The following PIWIL1 variants were observed in gnomAD, a reference collection of about 807,000 sequenced individuals.
PIWIL1 encodes piwi like RNA-mediated gene silencing 1, also known as piwi-like protein 1.
Under a neutral mutation model 114.4 loss-of-function variants are expected in PIWIL1, and 73 were observed. That is an observed-to-expected ratio of 0.64 (90% confidence interval 0.53 to 0.78). The LOEUF (loss-of-function observed/expected upper bound fraction) is 0.78, where lower values mean the gene tolerates loss of function less well. Ranked by LOEUF, PIWIL1 falls within the 30% of genes least tolerant of loss-of-function variation. The pLI, the probability that PIWIL1 is intolerant of heterozygous loss-of-function variation, is 0.00. For synonymous variants in PIWIL1, 375 were observed against 369.0 expected, an observed-to-expected ratio of 1.02 and a Z score of -0.19; for missense variants, 723 against 1,063.1, an observed-to-expected ratio of 0.68 and a Z score of 4.45.
At chr12:130,397,646 G>A in the PIWIL1 span, 2 of 396,512 alleles carry the variant, frequency 5.0e-6, no homozygotes, top group Non-Finnish European at 8.9e-6. Context: ...ACCAGGAAAG[G>A]TCAGGGGGGT....
At chr12:130,422,435 G>T in the PIWIL1 span, 1 of 1,558,284 alleles carries the variant, frequency 6.4e-7, no homozygotes, top group Non-Finnish European at 8.8e-7. This position sits in a 1 kb window ranked among gnomAD's most constrained non-coding sequence, Gnocchi z 5.2. Context: ...ACACAACAGC[G>T]ATGATGGGGC....
chr12:130,395,992 CAT>C, the PIWIL1 span: 1 of 135,956 alleles, frequency 7.4e-6, no homozygotes, highest in Non-Finnish European at 1.6e-5. Flanking sequence ...GCTCCCAAAA[CAT>C]AGACCAAAAT....
At chr12:130,419,005 T>C in the PIWIL1 span, among the ~76,000 whole-genome samples, 1 of 152,174 alleles carries the variant, frequency 6.6e-6, no homozygotes, top group Non-Finnish European at 1.5e-5. The surrounding 1 kb of genome is among the most constrained non-coding windows in gnomAD (Gnocchi z 4.3). Flanking sequence ...GTGGAGCACT[T>C]GGAGTTGAAC....
chr12:130,347,021 A>C lies in PIWIL1; in HGVS notation c.612A>C (p.Thr204=). Residue 204 remains threonine (T), a synonymous_variant, in exon 6 of 21, where the codon ACA becomes ACC. Coordinates refer to ENST00000245255, the MANE Select transcript of PIWIL1 (RefSeq NM_004764.5). The part of the protein sequence containing the change: ...TITLTNELPP[T]SPTCLQFYNI... Reference sequence around the variant, plus strand: ...CTTTAACAAATGAACTTCCACCTACATCACCAACTTGTTTGCAGTTCTATA... The same window carrying C: ...CTTTAACAAATGAACTTCCACCTACCTCACCAACTTGTTTGCAGTTCTATA... 1 of 1,613,782 alleles carries C rather than the reference A, an allele frequency of 6.2e-7. No homozygotes were observed. The highest frequency in any genetic ancestry group is 8.5e-7 in the Non-Finnish European group (1 of 1,179,750).
At chr12:130,366,396 G>A (rs79498495) in intron 18 of PIWIL1, 12,340 of 152,462 alleles carry the variant, frequency 0.081, 1,640 homozygotes, top group African/African-American at 0.28. Context: ...GAAGGGCCAG[G>A]GATCTGCCGG....
At chr12:130,408,299 A>G in the PIWIL1 span, among the ~76,000 whole-genome samples, 112,179 of 152,126 alleles carry the variant, frequency 0.74, 41,709 homozygotes, top group South Asian at 0.9. Flanking sequence ...TCCCCTAAGC[A>G]TAGGCAAAAC....
the PIWIL1 span, among the ~76,000 whole-genome samples, chr12:130,403,754 G>T: frequency 6.6e-6 from 1 of 152,044 alleles, no homozygotes; most frequent in Non-Finnish European, 1.5e-5. Flanking sequence ...TACAACAAAG[G>T]TATTCCAATG....
At chr12:130,355,738 T>C (rs2073347036) in intron 12 of PIWIL1, 71 bp downstream of exon 12, 1 of 1,057,768 alleles carries the variant, frequency 9.5e-7, no homozygotes, top group Non-Finnish European at 1.5e-6. Flanking sequence ...CAGGCAGGAG[T>C]ACAGTGGTGC....
At chr12:130,414,330 A>G in the PIWIL1 span, 1 of 1,560,616 alleles carries the variant, frequency 6.4e-7, no homozygotes, top group South Asian at 1.2e-5. Context: ...GGGGTGAAGA[A>G]CAGAGCGGCA....
chr12:130,343,122 A>G, intron 3 of PIWIL1, 21 bp downstream of exon 3: 1 of 1,553,870 alleles, frequency 6.4e-7, no homozygotes, highest in Non-Finnish European at 8.9e-7. Flanking sequence ...AGTAAAAGGA[A>G]GTCTTAACAA....
the PIWIL1 span, among the ~76,000 whole-genome samples, chr12:130,379,452 G>A: frequency 6.3e-5 from 7 of 111,460 alleles, no homozygotes; most frequent in Admixed American, 8.9e-5. Flanking sequence ...TCCCATCCAA[G>A]CATTGACAGT....
At chr12:130,411,224 G>A in the PIWIL1 span, among the ~76,000 whole-genome samples, 1 of 152,136 alleles carries the variant, frequency 6.6e-6, no homozygotes, top group Non-Finnish European at 1.5e-5. Flanking sequence ...CACTCCATTT[G>A]TTAGTTCTAG....
chr12:130,371,455 T>C (rs2073815118), intron 20 of PIWIL1, 27 bp from the exon 21 acceptor site: 8 of 1,610,356 alleles, frequency 5.0e-6, no homozygotes, highest in Non-Finnish European at 6.8e-6. Context: ...TCTAGAGTAA[T>C]AGAACCTTTT....
intron 13 of PIWIL1, 48 bp downstream of exon 13, chr12:130,357,153 T>C: frequency 6.7e-7 from 1 of 1,485,026 alleles, no homozygotes; most frequent in Non-Finnish European, 9.3e-7. Context: ...TGGCAGTCAT[T>C]TGGAGGGGTG....
chr12:130,357,834 T>C (rs1243769323), intron 14 of PIWIL1, among the ~76,000 whole-genome samples: 1 of 152,066 alleles, frequency 6.6e-6, no homozygotes, highest in Non-Finnish European at 1.5e-5. Context: ...GTCTAGAAAA[T>C]TTGGAAAATA....
intron 18 of PIWIL1, among the ~76,000 whole-genome samples, chr12:130,363,704 G>A (rs139456082): frequency 0.014 from 1,870 of 129,356 alleles, 41 homozygotes; most frequent in African/African-American, 0.052. Flanking sequence ...TGCAACCTCC[G>A]CCTCCCAGGT....
the PIWIL1 span, chr12:130,399,251 G>T: frequency 1.4e-6 from 1 of 708,628 alleles, no homozygotes; most frequent in Non-Finnish European, 2.0e-6. Flanking sequence ...AAATAAAAAT[G>T]AGATACTAAA....
chr12:130,341,220 C>T (rs558092408), intron 1 of PIWIL1, among the ~76,000 whole-genome samples: 2 of 152,332 alleles, frequency 1.3e-5, no homozygotes, highest in South Asian at 4.1e-4. Context: ...CCTCCACTCC[C>T]CTTGCCCCTT....
chr12:130,385,408 G>C, the PIWIL1 span, among the ~76,000 whole-genome samples: 1 of 152,082 alleles, frequency 6.6e-6, no homozygotes, highest in Admixed American at 6.5e-5. Flanking sequence ...TTCATTTGCT[G>C]TGCTGCTTTC....
Sources: allele counts gnomAD v4.1 joint callset (sites outside exome capture counted in the v4.1 genomes callset), GRCh38; gene constraint gnomAD v4.1.1; non-coding constraint Gnocchi (gnomAD v3.1); transcripts MANE v1.5; gene names NCBI Gene and HGNC (gene_info 2026-07-23, HGNC 2026-07-21).